DBF4B: variants seen among roughly 807,000 people sequenced by gnomAD.
The protein encoded by DBF4B is protein DBF4 homolog B.
DBF4B carries 49 observed loss-of-function variants against 53.4 expected under a neutral mutation model. The observed-to-expected ratio is 0.92, with a 90% CI of 0.73 to 1.16. DBF4B has a LOEUF of 1.16. DBF4B is among the 50% of genes most tolerant of loss of function. The probability of loss-of-function intolerance (pLI) is 0.00; values close to 1 mark genes in which losing one functional copy is unlikely to be tolerated. For missense variants in DBF4B, 692 were observed against 775.0 expected, an observed-to-expected ratio of 0.89 and a Z score of 1.27; for synonymous variants, 257 against 288.7, an observed-to-expected ratio of 0.89 and a Z score of 1.11.
chr17:44,744,181 G>A (rs1414838592), intron 10 of DBF4B, among the ~76,000 whole-genome samples: 3 of 147,004 alleles, frequency 2.0e-5, no homozygotes, highest in African/African-American at 7.5e-5. Flanking sequence ...GAAGACTGAG[G>A]CAGGTGGATC....
intron 5 of DBF4B, 190 bp downstream of exon 5, chr17:44,731,205 G>C (rs1974803706): frequency 1.6e-6 from 1 of 625,330 alleles, no homozygotes. Flanking sequence ...CACCTAGAGA[G>C]TAAGTGTTGA....
chr17:44,743,315 AG>A (rs1976262463), intron 10 of DBF4B, among the ~76,000 whole-genome samples: 1 of 152,246 alleles, frequency 6.6e-6, no homozygotes, highest in Non-Finnish European at 1.5e-5. Context: ...AAATATGTGT[AG>A]GAAGAAGTGT....
intron 3 of DBF4B, among the ~76,000 whole-genome samples, chr17:44,729,171 AG>A (rs1327880124): frequency 6.6e-6 from 1 of 152,038 alleles, no homozygotes; most frequent in Non-Finnish European, 1.5e-5. Flanking sequence ...ATAGTGGTAA[AG>A]TGTATATAAC....
At chr17:44,722,338 G>T (rs1004836245) in intron 2 of DBF4B, among the ~76,000 whole-genome samples, 4 of 152,148 alleles carry the variant, frequency 2.6e-5, no homozygotes, top group African/African-American at 7.2e-5. Flanking sequence ...GCCCATTCAG[G>T]AGCCAACAAG....
At chr17:44,747,777 G>A (rs2145153813) in intron 12 of DBF4B, among the ~76,000 whole-genome samples, 1 of 152,332 alleles carries the variant, frequency 6.6e-6, no homozygotes, top group East Asian at 1.9e-4. Flanking sequence ...AGGCTTTGAT[G>A]TGGTTGATAA....
chr17:44,748,000 A>G (rs954177990), intron 12 of DBF4B, among the ~76,000 whole-genome samples: 1 of 152,054 alleles, frequency 6.6e-6, no homozygotes, highest in African/African-American at 2.4e-5. Flanking sequence ...CTCACCCCAA[A>G]TCTCCACCTC....
In DBF4B at chr17:44,748,475, A is replaced by G. The variant is rs754580423; in HGVS notation, c.1189+10A>G. On this transcript the variant is annotated intron_variant, in intron 13 of 13. Coordinates refer to ENST00000315005, the MANE Select transcript of DBF4B (RefSeq NM_145663.3). ...AGCTGCCAGGCATCAGGTATCCCAG[A>G]GCAGGATGGGACAGTGGACAGCACG... 1.7e-5 allele frequency: 27 copies of G among 1,613,722 alleles called. No homozygotes were observed. Among genetic ancestry groups the G allele is most frequent in the Non-Finnish European group, 1.8e-5 (21 of 1,179,806 alleles).
In DBF4B at chr17:44,709,314, C is replaced by T. The variant is rs771560306; in HGVS notation, c.30C>T (p.Cys10=). Residue 10 remains cysteine (C), a synonymous_variant, in exon 2 of 14, where the codon TGC becomes TGT. Coordinates refer to ENST00000315005, the MANE Select transcript of DBF4B (RefSeq NM_145663.3). MSEPGKGDD[C]LELESSMAES... is the part of the protein sequence containing the mutation. ...TATGTCCTTTCTCAGGAGACGATTG[C>T]CTCGAGCTGGAGAGTTCCATGGCTG... The T allele has an allele frequency of 2.5e-5, 41 of 1,614,008 alleles. No individual in the cohort carries two copies. The highest frequency in any genetic ancestry group is 3.3e-5 in the Non-Finnish European group (39 of 1,180,040).
At chr17:44,723,440 C>T (rs751356310) in intron 3 of DBF4B, among the ~76,000 whole-genome samples, 13 of 152,008 alleles carry the variant, frequency 8.6e-5, no homozygotes, top group East Asian at 5.8e-4. Context: ...ACTACATTTC[C>T]GAAAGCAATT....
intron 4 of DBF4B, 122 bp downstream of exon 4, chr17:44,730,218 A>G (rs1289157697): frequency 1.6e-5 from 18 of 1,098,624 alleles, no homozygotes; most frequent in Middle Eastern, 3.1e-4. Context: ...ATTTGAATTC[A>G]GGGACTGAGA....
At chr17:44,720,122 C>T (rs968467950) in intron 2 of DBF4B, 4 of 292,170 alleles carry the variant, frequency 1.4e-5, no homozygotes, top group East Asian at 9.3e-5. Context: ...GGAAAACCAC[C>T]CTCGCCTCTG....
At chr17:44,717,707 C>CAAA (rs539318780) in intron 2 of DBF4B, among the ~76,000 whole-genome samples, 1 of 85,760 alleles carries the variant, frequency 1.2e-5, no homozygotes, top group Non-Finnish European at 2.5e-5. Flanking sequence ...GACCTGGTCT[C>CAAA]AAAAAAAAAA....
At chr17:44,708,977 G>C in intron 1 of DBF4B, 138 bp downstream of exon 1, 1 of 1,209,208 alleles carries the variant, frequency 8.3e-7, no homozygotes, top group Non-Finnish European at 1.2e-6. Flanking sequence ...GGGCCGGGAA[G>C]GAGCCACAGG....
At chr17:44,731,230 C>G (rs1974806046) in intron 5 of DBF4B, 2 of 524,562 alleles carry the variant, frequency 3.8e-6, no homozygotes, top group East Asian at 7.3e-5. Context: ...AGAGCCACCT[C>G]CAACTCTGGA....
intron 3 of DBF4B, among the ~76,000 whole-genome samples, chr17:44,728,772 G>T (rs149972833): frequency 0.021 from 3,120 of 149,230 alleles, 77 homozygotes; most frequent in Non-Finnish European, 0.026. Flanking sequence ...AGCTGAGATC[G>T]CATGACTGCA....
At chr17:44,722,186 G>C (rs116097721) in intron 2 of DBF4B, among the ~76,000 whole-genome samples, 210 of 151,772 alleles carry the variant, frequency 1.4e-3, no homozygotes, top group African/African-American at 4.7e-3. Flanking sequence ...AAAGCCCCTG[G>C]AATATGGGCT....
At chr17:44,737,411 A>G (rs2145037663) in intron 8 of DBF4B, among the ~76,000 whole-genome samples, 1 of 152,310 alleles carries the variant, frequency 6.6e-6, no homozygotes, top group East Asian at 1.9e-4. Flanking sequence ...TCATGCTCAA[A>G]ATTCAAGGAA....
At chr17:44,725,586 C>T (rs1974240530) in intron 3 of DBF4B, among the ~76,000 whole-genome samples, 1 of 151,928 alleles carries the variant, frequency 6.6e-6, no homozygotes, top group Non-Finnish European at 1.5e-5. Context: ...CAGTCACTCC[C>T]TATATGCTTG....
chr17:44,727,111 A>C (rs1002404310), intron 3 of DBF4B, among the ~76,000 whole-genome samples: 27 of 149,726 alleles, frequency 1.8e-4, no homozygotes, highest in Admixed American at 4.0e-4. Context: ...AAAAAAAAAA[A>C]AAAAAAAAAA....
Sources: gnomAD v4.1 joint callset for allele counts (sites outside exome capture counted in the v4.1 genomes callset) on GRCh38, gnomAD v4.1.1 for gene constraint, MANE v1.5 for transcripts, NCBI Gene and HGNC (gene_info 2026-07-23, HGNC 2026-07-21) for gene names.